Variants in CPNE4 observed in about 807,000 individuals in gnomAD.
CPNE4 encodes copine-4.
Under a neutral mutation model 67.9 loss-of-function variants are expected in CPNE4, and 25 were observed. The ratio of observed to expected loss-of-function variants is 0.37; its 90% CI spans 0.27 to 0.51. The LOEUF (loss-of-function observed/expected upper bound fraction) is 0.51, where lower values mean the gene tolerates loss of function less well. Ranked by LOEUF, CPNE4 falls within the 20% of genes least tolerant of loss-of-function variation. The pLI is 0.93. For missense variants in CPNE4, 464 were observed against 690.8 expected (o/e 0.67, Z 3.68); for synonymous variants, 242 against 244.9 (o/e 0.99, Z 0.11).
At chr3:131,697,513 T>A (rs1037848940) in intron 4 of CPNE4, among the ~76,000 whole-genome samples, 1 of 152,188 alleles carries the variant, frequency 6.6e-6, no homozygotes, top group Non-Finnish European at 1.5e-5. Context: ...ATACTTTCAA[T>A]AGTCACTGGT....
At chr3:131,774,160 T>C (rs1215137780) in intron 2 of CPNE4, among the ~76,000 whole-genome samples, 2 of 152,074 alleles carry the variant, frequency 1.3e-5, no homozygotes, top group South Asian at 2.1e-4. Flanking sequence ...GCAGGCAGGG[T>C]CCTCATAGAA....
chr3:131,621,123 C>T lies in CPNE4; in HGVS notation c.682-33541G>A, dbSNP rs72999300. On this transcript the variant is annotated intron_variant, in intron 7 of 15. Transcript: ENST00000429747. ...TGATTGTTTTGACCTTGACTTAGCACGCATTTCTGGGTGAATAAGCCCTAA... is the reference window on the plus strand; with the variant it reads ...TGATTGTTTTGACCTTGACTTAGCATGCATTTCTGGGTGAATAAGCCCTAA... Among the ~76,000 whole-genome samples, 1,301 of 152,288 alleles carry T rather than the reference C, an allele frequency of 8.5e-3. 6 individuals carry two copies. Among genetic ancestry groups the T allele is most frequent in the Middle Eastern group, 0.017 (5 of 294 alleles).
rs191555699 is a variant in CPNE4 at position 131,684,889 on chromosome 3, A to G, written c.591+986T>C. 1.8e-3 allele frequency among the ~76,000 whole-genome samples: 267 copies of G among 152,298 alleles called. 1 individual carries two copies. Among genetic ancestry groups the G allele is most frequent in the African/African-American group, 6.3e-3 (261 of 41,554 alleles). ...GTGTGGTAGTGGGTAGTAGGGGGTA[A>G]GGTAATAAGAGATAAAGTTGGGGCC... On this transcript the variant is annotated intron_variant, in intron 6 of 15. Coordinates refer to ENST00000429747, the MANE Select transcript of CPNE4 (RefSeq NM_130808.3).
At chr3:131,818,972 C>G (rs2084852953) in intron 2 of CPNE4, among the ~76,000 whole-genome samples, 1 of 151,984 alleles carries the variant, frequency 6.6e-6, no homozygotes, top group Non-Finnish European at 1.5e-5. Context: ...TACTGGTGGG[C>G]ACCTGTAAAC....
chr3:131,576,102 T>C (rs75603752), intron 9 of CPNE4, among the ~76,000 whole-genome samples: 5,519 of 152,244 alleles, frequency 0.036, 297 homozygotes, highest in African/African-American at 0.12. Context: ...GTAACTGTAA[T>C]TTTTGACTGT....
At chr3:131,856,538 G>T (rs1464340595) in intron 2 of CPNE4, among the ~76,000 whole-genome samples, 1 of 151,984 alleles carries the variant, frequency 6.6e-6, no homozygotes, top group Non-Finnish European at 1.5e-5. Flanking sequence ...ATTTGCTGTT[G>T]TCTAGAAGAT....
At chr3:131,716,707 T>G (rs192645739) in intron 3 of CPNE4, among the ~76,000 whole-genome samples, 1,791 of 152,360 alleles carry the variant, frequency 0.012, 45 homozygotes, top group Non-Finnish European at 0.015. Flanking sequence ...GGGGCTCTGT[T>G]AAGCATTTTA....
intron 1 of CPNE4, among the ~76,000 whole-genome samples, chr3:131,915,203 C>T (rs1190341389): frequency 6.6e-6 from 1 of 152,074 alleles, no homozygotes; most frequent in Non-Finnish European, 1.5e-5. Context: ...TGTTTTTGAC[C>T]AATTCTTATA....
chr3:131,630,220 T>C (rs1023957544), intron 7 of CPNE4, among the ~76,000 whole-genome samples: 5 of 152,238 alleles, frequency 3.3e-5, no homozygotes, highest in Non-Finnish European at 7.3e-5. Context: ...AGTGGCCATC[T>C]TGATGATCAG....
intron 7 of CPNE4, among the ~76,000 whole-genome samples, chr3:131,597,485 G>T (rs559945636): frequency 4.8e-4 from 73 of 152,066 alleles, no homozygotes; most frequent in African/African-American, 1.7e-3. Flanking sequence ...GAATATCCAG[G>T]GTGTTGAAAA....
intron 7 of CPNE4, among the ~76,000 whole-genome samples, chr3:131,622,243 C>A (rs1940516398): frequency 6.6e-6 from 1 of 152,024 alleles, no homozygotes; most frequent in African/African-American, 2.4e-5. Flanking sequence ...TGGGAACCTC[C>A]TTTTACCTCA....
intron 3 of CPNE4, among the ~76,000 whole-genome samples, chr3:131,723,076 T>A (rs947716893): frequency 4.6e-5 from 7 of 152,190 alleles, no homozygotes; most frequent in Non-Finnish European, 8.8e-5. Context: ...GCATAGGGGT[T>A]CTCACAGCTG....
chr3:131,871,190 A>G (rs1250819680), intron 2 of CPNE4, among the ~76,000 whole-genome samples: 1 of 152,212 alleles, frequency 6.6e-6, no homozygotes, highest in Non-Finnish European at 1.5e-5. Context: ...ATTTATGACT[A>G]TCTCTTCCAA....
chr3:131,810,101 T>C (rs1451306198), intron 2 of CPNE4, among the ~76,000 whole-genome samples: 5 of 152,034 alleles, frequency 3.3e-5, no homozygotes, highest in Non-Finnish European at 7.4e-5. Context: ...ACCATAAAGC[T>C]TCCAAAAGAA....
At chr3:131,678,587 C>G (rs866428962) in intron 6 of CPNE4, among the ~76,000 whole-genome samples, 3 of 151,902 alleles carry the variant, frequency 2.0e-5, no homozygotes, top group Non-Finnish European at 4.4e-5. Context: ...ATATATGGCT[C>G]TTATTATTTT....
intron 9 of CPNE4, 88 bp from the exon 10 acceptor site, chr3:131,575,218 G>C: frequency 9.0e-7 from 1 of 1,106,080 alleles, no homozygotes; most frequent in South Asian, 1.3e-5. Flanking sequence ...TGACTGATAA[G>C]CTGCTAAACC....
intron 1 of CPNE4, among the ~76,000 whole-genome samples, chr3:132,010,290 C>T (rs1583594149): frequency 6.6e-6 from 1 of 152,198 alleles, no homozygotes; most frequent in East Asian, 1.9e-4. Flanking sequence ...ACCCTCTCTA[C>T]ACACAGCTAC....
chr3:131,801,478 A>ATATATATATATG (rs375249673), intron 2 of CPNE4, among the ~76,000 whole-genome samples: 7 of 128,128 alleles, frequency 5.5e-5, no homozygotes, highest in African/African-American at 1.8e-4. Flanking sequence ...ATATATATAT[A>ATATATATATATG]ATATCACTGC....
intron 1 of CPNE4, among the ~76,000 whole-genome samples, chr3:132,004,207 C>A (rs2073529409): frequency 1.3e-5 from 2 of 152,092 alleles, no homozygotes; most frequent in Non-Finnish European, 2.9e-5. Context: ...AAAATCCATT[C>A]TATATCTATG....
Sources: allele counts gnomAD v4.1 joint callset (sites outside exome capture counted in the v4.1 genomes callset), GRCh38; gene constraint gnomAD v4.1.1; transcripts MANE v1.5; gene names NCBI Gene and HGNC (gene_info 2026-07-23, HGNC 2026-07-21).